Variants in TG observed in about 807,000 individuals in gnomAD.
TG encodes the protein thyroglobulin.
A neutral mutation model predicts 324.7 loss-of-function variants in TG; 270 were observed. That is an observed-to-expected ratio of 0.83 (90% CI 0.75 to 0.92). TG has a LOEUF of 0.92. TG is among the 40% of genes least tolerant of loss of function. The pLI is 0.00. For synonymous variants in TG, 1,401 were observed against 1,327.0 expected (o/e 1.06, Z -1.21); for missense variants, 3,591 against 3,456.4 (o/e 1.04, Z -0.98).
intron 25 of TG, among the ~76,000 whole-genome samples, chr8:132,936,185 G>A (rs1279837125): frequency 6.6e-6 from 1 of 152,236 alleles, no homozygotes. Flanking sequence ...TGGACACAAA[G>A]CTACGAAGTG....
intron 5 of TG, among the ~76,000 whole-genome samples, chr8:132,874,302 G>A (rs1183838713): frequency 2.6e-5 from 4 of 152,166 alleles, no homozygotes; most frequent in African/African-American, 4.8e-5. Context: ...GTGTGTATAC[G>A]TGCACTTACA....
At chr8:133,107,057 A>T (rs905420003) in intron 43 of TG, among the ~76,000 whole-genome samples, 1 of 152,162 alleles carries the variant, frequency 6.6e-6, no homozygotes, top group Non-Finnish European at 1.5e-5. Context: ...GGAAGAGAGA[A>T]GTCATATTTA....
At chr8:133,020,115 G>A (rs1835425989) in intron 39 of TG, among the ~76,000 whole-genome samples, 1 of 152,240 alleles carries the variant, frequency 6.6e-6, no homozygotes, top group South Asian at 2.1e-4. Context: ...CAGACCTGGG[G>A]CTAAGAGAGG....
chr8:133,102,414 C>T (rs923554269), intron 43 of TG: 11 of 700,848 alleles, frequency 1.6e-5, no homozygotes, highest in Non-Finnish European at 2.5e-5. Flanking sequence ...AGCAGAGACC[C>T]ACCCATTTTC....
intron 24 of TG, 47 bp downstream of exon 24, chr8:132,933,723 A>G (rs2129690458): frequency 1.3e-6 from 2 of 1,565,248 alleles, no homozygotes; most frequent in South Asian, 1.1e-5. Flanking sequence ...TCCGCTGTGG[A>G]TCAGATGTGC....
At chr8:133,060,771 T>C (rs1227999078) in intron 41 of TG, among the ~76,000 whole-genome samples, 3 of 152,230 alleles carry the variant, frequency 2.0e-5, no homozygotes, top group Non-Finnish European at 4.4e-5. Context: ...CAACTGTTAC[T>C]TTTGATCATT....
At chr8:133,078,905 G>T (rs565241711) in intron 41 of TG, among the ~76,000 whole-genome samples, 1 of 152,280 alleles carries the variant, frequency 6.6e-6, no homozygotes, top group South Asian at 2.1e-4. Flanking sequence ...AGAGGAGACA[G>T]ACACACATAT....
chr8:132,902,727 G>C (rs765486879), intron 16 of TG, among the ~76,000 whole-genome samples: 2 of 152,162 alleles, frequency 1.3e-5, no homozygotes, highest in Non-Finnish European at 2.9e-5. Flanking sequence ...CCAACTTCCA[G>C]GTCATCTAGG....
At chr8:133,002,420 T>C (rs1198273981) in intron 35 of TG, 1 of 985,358 alleles carries the variant, frequency 1.0e-6, no homozygotes, top group East Asian at 1.1e-4. Flanking sequence ...TGTTGCTCAA[T>C]AAGCCGCCTC....
In TG at chr8:132,882,756, C is replaced by T; in HGVS notation, c.890-58C>T. 11 of 1,610,572 alleles carry T rather than the reference C, an allele frequency of 6.8e-6. No homozygotes were observed. The South Asian group carries it at 1.2e-4, about 18-fold the overall frequency. On this transcript the variant is annotated intron_variant, in intron 7 of 47. Coordinates refer to ENST00000220616, the MANE Select transcript of TG (RefSeq NM_003235.5). ...CGTTAAGAGCAAACAGCAGTGCATGCTGTGAAGACACCAAGCATTGTTGAC... is the reference window on the plus strand; with the variant it reads ...CGTTAAGAGCAAACAGCAGTGCATGTTGTGAAGACACCAAGCATTGTTGAC...
intron 13 of TG, 132 bp downstream of exon 13, chr8:132,898,378 G>A (rs1004971732): frequency 3.1e-5 from 28 of 895,234 alleles, no homozygotes; most frequent in Non-Finnish European, 4.8e-5. Flanking sequence ...GCAGCCAGAC[G>A]CATTTCCCAA....
intron 5 of TG, among the ~76,000 whole-genome samples, chr8:132,877,494 C>T (rs913492615): frequency 3.3e-5 from 5 of 152,118 alleles, no homozygotes; most frequent in African/African-American, 1.2e-4. Flanking sequence ...ATACATGGCT[C>T]ATTTGTGAGT....
In TG at chr8:133,024,306, TTTTCTTTCTTTCTTTCTTTCTTTCTTTC is replaced by T. The variant is rs199604332; in HGVS notation, c.7036+2216_7036+2243del. Among the ~76,000 whole-genome samples, 545 of 87,958 alleles carry T rather than the reference TTTTCTTTCTTTCTTTCTTTCTTTCTTTC, an allele frequency of 6.2e-3. 6 individuals carry two copies. Among genetic ancestry groups the T allele is most frequent in the Middle Eastern group, 0.027 (5 of 184 alleles). The allele number at this position is 87,958 out of a possible 152,430, so 57.7% of individuals were successfully genotyped here. A position where few individuals can be genotyped will look rare whatever the true frequency, so the allele number is the denominator to read the frequency against. On this transcript the variant is annotated intron_variant, in intron 40 of 47. Transcript: ENST00000220616. ...TTTTGCATTCATTAGCCACAGGCCA[TTTTCTTTCTTTCTTTCTTTCTTTCTTTC>T]TTTCTTTCTTTCTTTCTTTCTTTCT...
intron 18 of TG, among the ~76,000 whole-genome samples, chr8:132,910,479 T>A (rs1190920351): frequency 6.6e-6 from 1 of 152,048 alleles, no homozygotes; most frequent in African/African-American, 2.4e-5. Context: ...AATGCTTGTG[T>A]CCCCCCGAAA....
At chr8:133,089,855 C>T (rs1300103496) in intron 41 of TG, 3 of 152,238 alleles carry the variant, frequency 2.0e-5, no homozygotes, top group Non-Finnish European at 2.9e-5. Flanking sequence ...CCCTGTTCCT[C>T]CCATTTATTT....
intron 40 of TG, among the ~76,000 whole-genome samples, chr8:133,028,855 G>A (rs1443556161): frequency 6.6e-6 from 1 of 152,172 alleles, no homozygotes; most frequent in Non-Finnish European, 1.5e-5. Flanking sequence ...GGTCTCATCA[G>A]TAGTTTCTTG....
intron 27 of TG, among the ~76,000 whole-genome samples, chr8:132,957,552 A>G (rs1587568656): frequency 1.3e-5 from 2 of 152,194 alleles, no homozygotes; most frequent in East Asian, 3.9e-4. Flanking sequence ...TAAGAGTCTC[A>G]GAGAGAGTGA....
Position 132,898,791 on chromosome 8 carries a change from C to T in TG, c.3218-7C>T. On this transcript the variant is annotated splice_polypyrimidine_tract_variant and splice_region_variant and intron_variant, in intron 13 of 47. Transcript: ENST00000220616. ...CAGTCCTTTACAAGCACCTCTCTCT[C>T]CCACAGGCCCGACAACCTGCGAGAA... 3 of 1,613,688 alleles carry T rather than the reference C, an allele frequency of 1.9e-6. No individual in the cohort carries two copies. Among genetic ancestry groups the T allele is most frequent in the Non-Finnish European group, 2.5e-6 (3 of 1,179,778 alleles).
At chr8:133,053,029 G>T (rs992291695) in intron 41 of TG, among the ~76,000 whole-genome samples, 1 of 152,196 alleles carries the variant, frequency 6.6e-6, no homozygotes, top group African/African-American at 2.4e-5. Flanking sequence ...GGCTACATGT[G>T]ATGGGCCTTT....
Sources: gnomAD v4.1 joint callset for allele counts (sites outside exome capture counted in the v4.1 genomes callset) on GRCh38, gnomAD v4.1.1 for gene constraint, MANE v1.5 for transcripts, NCBI Gene and HGNC (gene_info 2026-07-23, HGNC 2026-07-21) for gene names.